TGM7: variants seen among roughly 807,000 people sequenced by gnomAD.
The protein encoded by TGM7 is transglutaminase 7.
Under a neutral mutation model 79.5 loss-of-function variants are expected in TGM7, and 74 were observed. That is an observed-to-expected ratio of 0.93 (90% CI 0.77 to 1.13). TGM7 has a LOEUF of 1.13. Ranked by LOEUF, TGM7 falls within the 50% of genes most tolerant of loss-of-function variation. TGM7 has a pLI of 0.00. For missense variants in TGM7, 912 were observed against 905.9 expected, an observed-to-expected ratio of 1.01 and a Z score of -0.09; for synonymous variants, 354 against 362.5, an observed-to-expected ratio of 0.98 and a Z score of 0.27.
intron 12 of TGM7, 102 bp downstream of exon 12, chr15:43,276,760 G>A: frequency 7.1e-6 from 11 of 1,543,482 alleles, no homozygotes; most frequent in African/African-American, 1.4e-5. Flanking sequence ...GAAAGTGGGG[G>A]CAGAGAGGCA....
chr15:43,277,073 G>C (rs1277543278), intron 11 of TGM7, 78 bp from the exon 12 acceptor site: 1 of 1,551,100 alleles, frequency 6.4e-7, no homozygotes. Context: ...CCCACCCCCA[G>C]GTCCCTGGCG....
intron 4 of TGM7, among the ~76,000 whole-genome samples, chr15:43,288,414 G>T (rs1461027433): frequency 1.3e-5 from 2 of 152,126 alleles, no homozygotes; most frequent in Non-Finnish European, 2.9e-5. Context: ...GCCTGCGGGG[G>T]TTGAGAGTGG....
At chr15:43,289,437 C>T (rs2042953697) in intron 4 of TGM7, among the ~76,000 whole-genome samples, 1 of 152,054 alleles carries the variant, frequency 6.6e-6, no homozygotes, top group African/African-American at 2.4e-5. Flanking sequence ...TGTATATGTG[C>T]CACATTTTCT....
chr15:43,279,189 C>G lies in TGM7; in HGVS notation c.1767G>C (p.Glu589Asp). The G allele has an allele frequency of 6.2e-7, 1 of 1,614,084 alleles. No individual in the cohort carries two copies. Among genetic ancestry groups the G allele is most frequent in the Non-Finnish European group, 8.5e-7 (1 of 1,180,012 alleles). Residue 589 changes from glutamate (E) to aspartate (D), a missense_variant, in exon 11 of 13, where the codon GAG becomes GAC. Transcript: ENST00000452443. ...EKLIRVSGIAEVEETGRSMLV... is the reference protein window; with the variant it reads ...EKLIRVSGIADVEETGRSMLV... ...GCATGGACCTCCCTGTCTCTTCAAC[C>G]TCCGCGATGCCAGACACGCGGATGA...
chr15:43,299,940 G>C (rs866165467), intron 1 of TGM7, among the ~76,000 whole-genome samples: 2 of 152,118 alleles, frequency 1.3e-5, no homozygotes, highest in Non-Finnish European at 1.5e-5. Context: ...AAACTCCTTA[G>C]CCAAGCATTC....
rs1476002007 is a variant in TGM7, at chr15:43,276,573, A to G, written c.2015T>C (p.Leu672Pro). The change falls in exon 13 of 13, where the codon CTG becomes CCG. Residue 672 changes from leucine to proline, a missense_variant. Coordinates refer to ENST00000452443, the MANE Select transcript of TGM7 (RefSeq NM_052955.3). ...TCCAGCTTTGGTCGGGTAGAGGTCC[A>G]GTTGAATTTGGAGGGTGTGTCCGGC... ...LVAGHTLQIQ[L>P]DLYPTKAGPR... 6.2e-7 allele frequency: 1 copy of G among 1,614,114 alleles called. No homozygotes were observed.
chr15:43,279,711 A>G lies in TGM7; in HGVS notation c.1592T>C (p.Phe531Ser). ...CCCATGCAGCAGGGCCTGTGCACAG[A>G]AGCGCACCACCAGTCCGATGGGCCC... ...PRGPIGLVVR[F>S]CAQALLHGGG... Residue 531 changes from phenylalanine (F) to serine (S), a missense_variant, in exon 10 of 13, where the codon TTC (phenylalanine) becomes TCC (serine). Coordinates refer to ENST00000452443, the MANE Select transcript of TGM7 (RefSeq NM_052955.3). The G allele has an allele frequency of 1.2e-6, 2 of 1,614,036 alleles. No individual in the cohort carries two copies. The highest frequency in any genetic ancestry group is 8.5e-7 in the Non-Finnish European group (1 of 1,180,034).
At position 43,279,948 on chromosome 15, in the gene TGM7, G is replaced by T. The variant is rs758959805; in HGVS notation, c.1355C>A (p.Ser452Tyr). 3 of 1,613,228 alleles carry T rather than the reference G, an allele frequency of 1.9e-6. No individual in the cohort carries two copies. The highest frequency in any genetic ancestry group is 2.5e-6 in the Non-Finnish European group (3 of 1,179,524). Residue 452 changes from serine to tyrosine, a missense_variant, in exon 10 of 13, where the codon TCC becomes TAC. By Grantham distance (144) the Ser-to-Tyr change is moderately radical. Coordinates refer to ENST00000452443, the MANE Select transcript of TGM7 (RefSeq NM_052955.3). ...ITSSYKYPEG[S>Y]PEERAVFMKA... ...CATGAAGACAGCTCTCTCCTCAGGGGATCCTGCAGAAGGGAGAGGTAGGAG... is the reference window on the plus strand; with the variant it reads ...CATGAAGACAGCTCTCTCCTCAGGGTATCCTGCAGAAGGGAGAGGTAGGAG...
chr15:43,282,943 G>A lies in TGM7; in HGVS notation c.1005-323C>T, dbSNP rs531348207. On this transcript the variant is annotated intron_variant, in intron 7 of 12. Transcript: ENST00000452443. Reference sequence around the variant, plus strand: ...CGGGCACCTGTAGTCCCAGCTACTCGGGAGGCTGAGGCAGGAGAATGGTGT... The same window carrying A: ...CGGGCACCTGTAGTCCCAGCTACTCAGGAGGCTGAGGCAGGAGAATGGTGT... Among the ~76,000 whole-genome samples, 9 of 152,232 alleles carry A rather than the reference G, an allele frequency of 5.9e-5. No individual in the cohort carries two copies. The South Asian group carries it at 1.7e-3, about 28-fold the overall frequency.
At chr15:43,280,079 G>T (rs2042900171) in intron 9 of TGM7, 128 bp from the exon 10 acceptor site, 2 of 756,460 alleles carry the variant, frequency 2.6e-6, no homozygotes, top group Non-Finnish European at 4.3e-6. Flanking sequence ...TGCTTGCTGG[G>T]TTCAAATCCT....
intron 1 of TGM7, among the ~76,000 whole-genome samples, chr15:43,301,428 A>G (rs1249620851): frequency 2.0e-5 from 3 of 151,448 alleles, no homozygotes; most frequent in African/African-American, 7.3e-5. Flanking sequence ...TCAGGAGTTC[A>G]AGACCAGCCT....
In TGM7 at chr15:43,279,885, G is replaced by T; in HGVS notation, c.1418C>A (p.Ser473Tyr). Residue 473 changes from serine to tyrosine, a missense_variant, in exon 10 of 13, where the codon TCT becomes TAT. Physicochemically the swap from Ser to Tyr is moderately radical, Grantham distance 144. Transcript: ENST00000452443. Reference sequence around the variant, plus strand: ...CTCCAGGAGATCCAGGAAGGGCAAAGAAGCTCTTTGGGGGCCCAGCATTTT... The same window carrying T: ...CTCCAGGAGATCCAGGAAGGGCAAATAAGCTCTTTGGGGGCCCAGCATTTT... The part of the protein sequence containing the change: ...SRKMLGPQRA[S>Y]LPFLDLLESG... 1.2e-6 allele frequency: 2 copies of T among 1,614,234 alleles called. No individual in the cohort carries two copies. The highest frequency in any genetic ancestry group is 1.7e-6 in the Non-Finnish European group (2 of 1,180,042).
At chr15:43,277,133 G>T in intron 11 of TGM7, 138 bp from the exon 12 acceptor site, 1 of 1,106,964 alleles carries the variant, frequency 9.0e-7, no homozygotes, top group Non-Finnish European at 1.3e-6. Flanking sequence ...GGCGAGGGAG[G>T]AATGTGAGCT....
chr15:43,290,100 T>A (rs1566845643), intron 4 of TGM7, among the ~76,000 whole-genome samples: 1 of 152,344 alleles, frequency 6.6e-6, no homozygotes, highest in Middle Eastern at 3.4e-3. Context: ...TGGCTTTTGT[T>A]GCCATTTCTT....
At chr15:43,277,148 G>T in intron 11 of TGM7, 153 bp from the exon 12 acceptor site, 3 of 966,688 alleles carry the variant, frequency 3.1e-6, no homozygotes, top group Non-Finnish European at 4.5e-6. Flanking sequence ...TGAGCTGAGA[G>T]TACTTGAGAT....
rs1473957850 is a variant in TGM7, at chr15:43,287,321, T to G, written c.824A>C (p.Lys275Thr). 1 of 1,614,054 alleles carries G rather than the reference T, an allele frequency of 6.2e-7. No homozygotes were observed. Among genetic ancestry groups the G allele is most frequent in the Non-Finnish European group, 8.5e-7 (1 of 1,180,036 alleles). ...GGCGAAGACCCAGCACTGTCCGTAC[T>G]TCACAGGCTGCCCGCCCCTGGCTGA... ...QWSARGGQPV[K>T]YGQCWVFASV... Residue 275 changes from lysine (K) to threonine (T), a missense_variant, in exon 6 of 13, where the codon AAG (lysine) becomes ACG (threonine). By Grantham distance (78) the Lys-to-Thr change is moderately conservative. Transcript: ENST00000452443.
intron 4 of TGM7, among the ~76,000 whole-genome samples, chr15:43,289,477 G>A (rs1490996223): frequency 1.3e-5 from 2 of 152,286 alleles, no homozygotes; most frequent in East Asian, 1.9e-4. Context: ...TGGACATGTG[G>A]GTTGGTTCCA....
Position 43,279,637 on chromosome 15 carries a change from C to T in TGM7, c.1666G>A (p.Asp556Asn), listed in dbSNP as rs1314275656. The T allele has an allele frequency of 6.3e-7, 1 of 1,590,508 alleles. No individual in the cohort carries two copies. The highest frequency in any genetic ancestry group is 8.6e-7 in the Non-Finnish European group (1 of 1,165,838). ...GCCTCACACTCACCCTTCCCAAAGT[C>T]CAGGTTCATCCGCACTGTGTGCCTC... is the stretch of plus-strand genomic sequence containing the variant. Reference protein sequence around the residue: ...FWRHTVRMNLDFGKETQWPLL... With the variant: ...FWRHTVRMNLNFGKETQWPLL... Residue 556 changes from aspartate (D) to asparagine (N), a missense_variant, in exon 10 of 13, where the codon GAC becomes AAC. Physicochemically the swap from Asp to Asn is conservative, Grantham distance 23. Transcript: ENST00000452443.
chr15:43,298,685 G>A (rs1338215889), intron 1 of TGM7, among the ~76,000 whole-genome samples: 8 of 151,946 alleles, frequency 5.3e-5, no homozygotes, highest in Non-Finnish European at 8.8e-5. Context: ...CCCGGGAGGC[G>A]GAGGTTGCAG....
Sources: allele counts gnomAD v4.1 joint callset (sites outside exome capture counted in the v4.1 genomes callset), GRCh38; gene constraint gnomAD v4.1.1; transcripts MANE v1.5; gene names NCBI Gene and HGNC (gene_info 2026-07-23, HGNC 2026-07-21).